KCTD16: variants seen among roughly 807,000 people sequenced by gnomAD.
The protein encoded by KCTD16 is potassium channel tetramerization domain containing 16, also known as BTB/POZ domain-containing protein KCTD16.
A neutral mutation model predicts 33.2 loss-of-function variants in KCTD16; 13 were observed. That is an observed-to-expected ratio of 0.39 (90% CI 0.25 to 0.62). The LOEUF (loss-of-function observed/expected upper bound fraction) is 0.62. Among genes scored for constraint, KCTD16 ranks in the 20% least tolerant of loss-of-function variants. KCTD16 has a pLI of 0.50. For missense variants in KCTD16, 441 were observed against 525.1 expected (o/e 0.84, Z 1.57); for synonymous variants, 197 against 195.3 (o/e 1.01, Z -0.07).
At chr5:144,464,293 G>T (rs1055524114) in intron 3 of KCTD16, among the ~76,000 whole-genome samples, 1 of 152,106 alleles carries the variant, frequency 6.6e-6, no homozygotes, top group African/African-American at 2.4e-5. Flanking sequence ...AGTTTTCTGA[G>T]CCATGAGCAA....
intron 3 of KCTD16, among the ~76,000 whole-genome samples, chr5:144,338,057 G>A (rs1167639234): frequency 6.6e-6 from 1 of 152,176 alleles, no homozygotes; most frequent in East Asian, 1.9e-4. Flanking sequence ...CAATGGAACT[G>A]AGTTTTTAAT....
At chr5:144,219,512 C>CG (rs1371094017) in intron 3 of KCTD16, among the ~76,000 whole-genome samples, 9 of 94,782 alleles carry the variant, frequency 9.5e-5, no homozygotes, top group South Asian at 2.7e-4. Context: ...CTGTGCTGGG[C>CG]CTTTTTTTTT....
chr5:144,270,969 T>C (rs1290239608), intron 3 of KCTD16, among the ~76,000 whole-genome samples: 3 of 151,886 alleles, frequency 2.0e-5, no homozygotes, highest in Non-Finnish European at 4.4e-5. Flanking sequence ...GACTAAATCA[T>C]GAAAAAATAG....
intron 3 of KCTD16, among the ~76,000 whole-genome samples, chr5:144,271,074 A>G (rs1268326489): frequency 6.6e-6 from 1 of 152,040 alleles, no homozygotes; most frequent in Non-Finnish European, 1.5e-5. Context: ...CTTTGCTGAT[A>G]CATTCTACCA....
At chr5:144,194,645 T>C (rs375690757) in intron 2 of KCTD16, among the ~76,000 whole-genome samples, 1 of 152,242 alleles carries the variant, frequency 6.6e-6, no homozygotes, top group Non-Finnish European at 1.5e-5. Flanking sequence ...TTAACATGCA[T>C]TATTTATTTA....
intron 3 of KCTD16, among the ~76,000 whole-genome samples, chr5:144,244,961 G>C (rs1420158582): frequency 1.3e-5 from 2 of 152,210 alleles, no homozygotes; most frequent in Non-Finnish European, 2.9e-5. Context: ...CTTGTCATCA[G>C]ATGTGAACCT....
At chr5:144,457,794 C>T (rs1352900251) in intron 3 of KCTD16, among the ~76,000 whole-genome samples, 1 of 152,104 alleles carries the variant, frequency 6.6e-6, no homozygotes, top group African/African-American at 2.4e-5. Flanking sequence ...ATAATCCTGT[C>T]AAATTTAGGG....
At chr5:144,273,467 T>C (rs1409565937) in intron 3 of KCTD16, among the ~76,000 whole-genome samples, 2 of 152,180 alleles carry the variant, frequency 1.3e-5, no homozygotes, top group African/African-American at 4.8e-5. Context: ...GTCCCACCTT[T>C]GGGTATTTGC....
At chr5:144,246,499 A>G (rs1269358396) in intron 3 of KCTD16, among the ~76,000 whole-genome samples, 1 of 152,230 alleles carries the variant, frequency 6.6e-6, no homozygotes, top group Non-Finnish European at 1.5e-5. Context: ...GAATAAAATA[A>G]TTAATATAGA....
chr5:144,325,882 A>G (rs2126887628), intron 3 of KCTD16, among the ~76,000 whole-genome samples: 1 of 152,284 alleles, frequency 6.6e-6, no homozygotes, highest in Non-Finnish European at 1.5e-5. Flanking sequence ...GGTACAGAGT[A>G]GGCATTTAAT....
At chr5:144,253,728 T>C (rs990960806) in intron 3 of KCTD16, among the ~76,000 whole-genome samples, 1 of 152,130 alleles carries the variant, frequency 6.6e-6, no homozygotes, top group African/African-American at 2.4e-5. Context: ...GCATTTTTCC[T>C]CTCCTGAAGT....
chr5:144,445,848 C>T (rs981780632), intron 3 of KCTD16, among the ~76,000 whole-genome samples: 20 of 151,722 alleles, frequency 1.3e-4, no homozygotes, highest in Admixed American at 1.1e-3. Context: ...CCTGATAAGT[C>T]AGTATTGAGG....
chr5:144,383,207 C>A (rs1218890170), intron 3 of KCTD16: 1 of 152,070 alleles, frequency 6.6e-6, no homozygotes, highest in Non-Finnish European at 1.5e-5. Context: ...TGATAAATGA[C>A]GATTTAGAAA....
At chr5:144,177,527 T>C (rs557337984) in intron 2 of KCTD16, among the ~76,000 whole-genome samples, 39 of 152,316 alleles carry the variant, frequency 2.6e-4, no homozygotes, top group African/African-American at 9.1e-4. Context: ...GTACCTCTTT[T>C]GCAGCTTCTG....
chr5:144,413,871 G>A (rs776108698), intron 3 of KCTD16, among the ~76,000 whole-genome samples: 1 of 152,152 alleles, frequency 6.6e-6, no homozygotes, highest in Non-Finnish European at 1.5e-5. Flanking sequence ...AGAATCTGGA[G>A]AACCAGGTTC....
Position 144,254,907 on chromosome 5 carries a change from G to A in KCTD16, c.832+47361G>A, listed in dbSNP as rs185821152. ...CTCAAGTAGCTGGGACCACAGGTGT[G>A]CATGCACTACCATGCCTGGCTATTT... On this transcript the variant is annotated intron_variant, in intron 3 of 3. Transcript: ENST00000512467. Among the ~76,000 whole-genome samples, 345 of 152,178 alleles carry A rather than the reference G, an allele frequency of 2.3e-3. 1 individual carries two copies. Among genetic ancestry groups the A allele is most frequent in the Non-Finnish European group, 3.6e-3 (246 of 68,014 alleles).
At chr5:144,228,900 G>A (rs1164427728) in intron 3 of KCTD16, among the ~76,000 whole-genome samples, 6 of 152,200 alleles carry the variant, frequency 3.9e-5, no homozygotes, top group Admixed American at 2.0e-4. Flanking sequence ...AGTAATATGT[G>A]TACATGCATA....
intron 3 of KCTD16, among the ~76,000 whole-genome samples, chr5:144,425,000 C>G (rs1010573301): frequency 3.3e-5 from 5 of 152,090 alleles, no homozygotes; most frequent in Non-Finnish European, 7.4e-5. Flanking sequence ...TTAACTCATT[C>G]AAGCATCAAC....
chr5:144,323,104 T>C (rs950653855), intron 3 of KCTD16, among the ~76,000 whole-genome samples: 1 of 152,156 alleles, frequency 6.6e-6, no homozygotes, highest in African/African-American at 2.4e-5. Flanking sequence ...AGTGCTATTA[T>C]GATAGAACTG....
Sources: allele counts gnomAD v4.1 joint callset (sites outside exome capture counted in the v4.1 genomes callset), GRCh38; gene constraint gnomAD v4.1.1; transcripts MANE v1.5; gene names NCBI Gene and HGNC (gene_info 2026-07-23, HGNC 2026-07-21).